TRDN: variants seen among roughly 807,000 people sequenced by gnomAD.
TRDN encodes triadin in skeletal muscle.
A neutral mutation model predicts 149.7 loss-of-function variants in TRDN; 161 were observed. That is an observed-to-expected ratio of 1.08 (90% CI 0.95 to 1.23). The LOEUF is 1.23. Ranked by LOEUF, TRDN falls within the 50% of genes most tolerant of loss-of-function variation. The pLI is 0.00. For missense variants in TRDN, 896 were observed against 823.5 expected (o/e 1.09, Z -1.08); for synonymous variants, 294 against 250.5 (o/e 1.17, Z -1.64).
intron 12 of TRDN, among the ~76,000 whole-genome samples, chr6:123,414,341 T>C (rs951696349): frequency 1.3e-5 from 2 of 152,116 alleles, no homozygotes; most frequent in Non-Finnish European, 2.9e-5. Context: ...GAGAACGTAC[T>C]CCATAGGATA....
intron 9 of TRDN, chr6:123,489,400 C>A (rs1010848513): frequency 6.6e-6 from 1 of 151,972 alleles, no homozygotes; most frequent in African/African-American, 2.4e-5. Context: ...GTTCTCATTA[C>A]ACTATCAGGG....
chr6:123,566,463 AAGAGAATTATTCTTCTCAATCCAGT>A (rs1782303469), intron 2 of TRDN, among the ~76,000 whole-genome samples: 1 of 152,224 alleles, frequency 6.6e-6, no homozygotes, highest in South Asian at 2.1e-4. Flanking sequence ...GGTTGCCCAG[AAGAGAATTATTCTTCTCAATCCAGT>A]ACAGTATGAG....
intron 4 of TRDN, among the ~76,000 whole-genome samples, chr6:123,541,366 T>C (rs892991152): frequency 3.3e-5 from 5 of 152,194 alleles, no homozygotes; most frequent in African/African-American, 9.6e-5. Flanking sequence ...TGAGCTCTTT[T>C]AGTAGCACGA....
intron 32 of TRDN, among the ~76,000 whole-genome samples, chr6:123,266,904 C>T (rs980177165): frequency 1.5e-4 from 22 of 143,746 alleles, no homozygotes; most frequent in Admixed American, 4.4e-4. Flanking sequence ...GTCAGGAGAT[C>T]GAGACCATCC....
chr6:123,267,725 G>T lies in TRDN; in HGVS notation c.1765C>A (p.Pro589Thr), dbSNP rs374035597. ...TKKAEHRERE[P>T]PSIKTDKPKP... Reference sequence around the variant, plus strand: ...AAAATACCTGTTTTTATAGATGGAGGTTCTCTTTCTCGATGTTCAGCTTTT... The same window carrying T: ...AAAATACCTGTTTTTATAGATGGAGTTTCTCTTTCTCGATGTTCAGCTTTT... Residue 589 changes from proline (P) to threonine (T), a missense_variant, in exon 32 of 41, where the codon CCT becomes ACT. By Grantham distance (38) the Pro-to-Thr change is conservative. Coordinates refer to ENST00000334268, the MANE Select transcript of TRDN (RefSeq NM_006073.4). 3.2e-6 allele frequency: 5 copies of T among 1,580,840 alleles called. No homozygotes were observed. The highest frequency in any genetic ancestry group is 2.6e-6 in the Non-Finnish European group (3 of 1,162,648).
At chr6:123,394,396 A>G (rs1772636694) in intron 12 of TRDN, among the ~76,000 whole-genome samples, 1 of 152,144 alleles carries the variant, frequency 6.6e-6, no homozygotes, top group South Asian at 2.1e-4. Flanking sequence ...ATAACGGCTC[A>G]CTTCACATTT....
intron 38 of TRDN, among the ~76,000 whole-genome samples, chr6:123,234,806 TA>T (rs1386888792): frequency 3.3e-5 from 5 of 152,076 alleles, no homozygotes; most frequent in African/African-American, 1.2e-4. Context: ...GAAATTAAAA[TA>T]AAAAACTAAC....
intron 8 of TRDN, chr6:123,501,861 A>G (rs2114826806): frequency 1.1e-6 from 1 of 944,552 alleles, no homozygotes; most frequent in African/African-American, 1.8e-5. Flanking sequence ...AATAAATCTG[A>G]TTACTGATAG....
chr6:123,604,420 A>G (rs1462076458), intron 1 of TRDN, among the ~76,000 whole-genome samples: 1 of 152,244 alleles, frequency 6.6e-6, no homozygotes, highest in Non-Finnish European at 1.5e-5. Context: ...GTAGGCAGAA[A>G]ATACATTTAC....
intron 1 of TRDN, among the ~76,000 whole-genome samples, chr6:123,626,879 A>G (rs1785698259): frequency 6.6e-6 from 1 of 151,330 alleles, no homozygotes; most frequent in South Asian, 2.1e-4. Context: ...TATGTCACCT[A>G]TAGCCTTATA....
At chr6:123,513,933 TA>T (rs893992012) in intron 6 of TRDN, among the ~76,000 whole-genome samples, 57 of 152,240 alleles carry the variant, frequency 3.7e-4, no homozygotes, top group African/African-American at 1.3e-3. Flanking sequence ...TCTGGATGCA[TA>T]AATCAGCTGA....
chr6:123,325,631 A>G (rs1301622367), intron 23 of TRDN, among the ~76,000 whole-genome samples: 1 of 152,130 alleles, frequency 6.6e-6, no homozygotes, highest in Non-Finnish European at 1.5e-5. Context: ...CAGTTTAAAC[A>G]GAATCAGAAC....
rs550073256 is a variant in TRDN, at chr6:123,437,489, T to A, written c.1051+574A>T. On this transcript the variant is annotated intron_variant, in intron 12 of 40. Coordinates refer to ENST00000334268, the MANE Select transcript of TRDN (RefSeq NM_006073.4). ...TGCAATTATGGTGCTCACTACAGCC[T>A]CAACCTCCTGGGCTCAAGCAATGCT... 1.1e-4 allele frequency: 27 copies of A among 238,684 alleles called. No individual in the cohort carries two copies. In the South Asian group the frequency reaches 1.2e-3, roughly 10 times the overall value. The allele number at this position is 238,684 out of a possible 1,614,324, so 14.8% of individuals were successfully genotyped here.
chr6:123,436,454 A>C (rs879203497), intron 12 of TRDN, among the ~76,000 whole-genome samples: 1 of 152,112 alleles, frequency 6.6e-6, no homozygotes, highest in South Asian at 2.1e-4. Context: ...TGGGCCACAT[A>C]ATCATGCAAT....
intron 12 of TRDN, among the ~76,000 whole-genome samples, chr6:123,401,162 G>A (rs1772953914): frequency 6.6e-6 from 1 of 152,080 alleles, no homozygotes; most frequent in African/African-American, 2.4e-5. Context: ...TTCCTCTACA[G>A]TTCTATAGAT....
In TRDN at chr6:123,259,717, A is replaced by T. The variant is rs1032172290; in HGVS notation, c.1832-55T>A. 1.7e-5 allele frequency: 22 copies of T among 1,305,038 alleles called. No homozygotes were observed. In the South Asian group the frequency reaches 3.0e-4, roughly 18 times the overall value. The allele number at this position is 1,305,038 out of a possible 1,614,324, so 80.8% of individuals were successfully genotyped here. A position where few individuals can be genotyped will look rare whatever the true frequency, so the allele number is the denominator to read the frequency against. On this transcript the variant is annotated intron_variant, in intron 34 of 40. Transcript: ENST00000334268. The stretch of plus-strand genomic sequence containing the variant: ...TCATTTTAAAAAACATGACTTTCTT[A>T]CTCATTCTTGGAGTAAACAGTTGGA...
At chr6:123,515,085 T>A (rs1779355743) in intron 6 of TRDN, among the ~76,000 whole-genome samples, 1 of 150,906 alleles carries the variant, frequency 6.6e-6, no homozygotes, top group African/African-American at 2.4e-5. Context: ...TAAAGTAAAA[T>A]TTAAAAAAAA....
At chr6:123,585,388 G>A (rs921494224) in intron 1 of TRDN, among the ~76,000 whole-genome samples, 8 of 152,124 alleles carry the variant, frequency 5.3e-5, no homozygotes, top group African/African-American at 1.9e-4. Context: ...ACCCACAACA[G>A]TTATGGAGGC....
chr6:123,251,875 C>T (rs1038522913), intron 38 of TRDN, among the ~76,000 whole-genome samples: 1 of 151,870 alleles, frequency 6.6e-6, no homozygotes, highest in Non-Finnish European at 1.5e-5. Flanking sequence ...CCTAACTATG[C>T]TGTTTTTCTT....
Sources: gnomAD v4.1 joint callset for allele counts (sites outside exome capture counted in the v4.1 genomes callset) on GRCh38, gnomAD v4.1.1 for gene constraint, MANE v1.5 for transcripts, NCBI Gene and HGNC (gene_info 2026-07-23, HGNC 2026-07-21) for gene names.